PEX5: variants seen among roughly 807,000 people sequenced by gnomAD.
The protein encoded by PEX5 is peroxisomal biogenesis factor 5.
A neutral mutation model predicts 82.9 loss-of-function variants in PEX5; 52 were observed. That is an observed-to-expected ratio of 0.63 (90% CI 0.50 to 0.79). The LOEUF is 0.79. Ranked by LOEUF, PEX5 falls within the 30% of genes least tolerant of loss-of-function variation. The pLI, the probability that PEX5 is intolerant of heterozygous loss-of-function variation, is 0.00. For missense variants in PEX5, 719 were observed against 815.2 expected, an observed-to-expected ratio of 0.88 and a Z score of 1.44; for synonymous variants, 300 against 318.8, an observed-to-expected ratio of 0.94 and a Z score of 0.63.
chr12:7,209,549 G>T, intron 14 of PEX5, 134 bp from the exon 15 acceptor site: 1 of 447,352 alleles, frequency 2.2e-6, no homozygotes, highest in Non-Finnish European at 3.9e-6. Context: ...GAATGGAATG[G>T]GACGAAACAT....
chr12:7,208,534 G>A lies in PEX5; in HGVS notation c.1259G>A (p.Arg420Gln), dbSNP rs765532002. The change falls in exon 13 of 16, where the codon CGA becomes CAA. Residue 420 changes from arginine to glutamine, a missense_variant. By Grantham distance (43) the Arg-to-Gln change is conservative (BLOSUM62 1). Coordinates refer to ENST00000675855, the MANE Select transcript of PEX5 (RefSeq NM_001351132.2). ...AVSFTNESLQ[R>Q]QACETLRDWL... ...AGCTTCACCAACGAGTCCCTGCAGC[G>A]ACAGGCCTGTGAAACCCTACGAGAC... The A allele has an allele frequency of 2.2e-5, 36 of 1,614,004 alleles. No individual in the cohort carries two copies. Among genetic ancestry groups the A allele is most frequent in the South Asian group, 1.8e-4 (16 of 91,074 alleles).
intron 1 of PEX5, 125 bp from the exon 2 acceptor site, chr12:7,190,237 A>C: frequency 6.3e-7 from 1 of 1,590,190 alleles, no homozygotes; most frequent in Non-Finnish European, 8.5e-7. Flanking sequence ...CAGCAAAAGC[A>C]CTGGGGTGGA....
chr12:7,199,158 A>G (rs1346394698), intron 6 of PEX5, 45 bp downstream of exon 6: 1 of 1,066,290 alleles, frequency 9.4e-7, no homozygotes, highest in Non-Finnish European at 1.4e-6. Context: ...AGGAGTATGG[A>G]CAGTTTTCCC....
At chr12:7,206,889 A>AT (rs1261917671) in intron 10 of PEX5, among the ~76,000 whole-genome samples, 1 of 152,150 alleles carries the variant, frequency 6.6e-6, no homozygotes, top group Non-Finnish European at 1.5e-5. Context: ...CATGTCCCAG[A>AT]TTTTGCAGCT....
rs745564890 is a variant in PEX5, at chr12:7,191,549, T to TTC, written c.317-8_317-7dup. 1.2e-6 allele frequency: 2 copies of TTC among 1,612,788 alleles called. No homozygotes were observed. The highest frequency in any genetic ancestry group is 1.7e-6 in the Non-Finnish European group (2 of 1,179,146). ...GGTATGTATGTATTCTTTCTTAGTTTTCTCTCTCTCTCTTTTAAGCCCCTG... is the reference window on the plus strand; with the variant it reads ...GGTATGTATGTATTCTTTCTTAGTTTTCTCTCTCTCTCTCTTTTAAGCCCCTG... On this transcript the variant is annotated intron_variant, in intron 4 of 15. Transcript: ENST00000675855.
chr12:7,201,538 A>G (rs1944041304), intron 6 of PEX5, among the ~76,000 whole-genome samples: 1 of 152,146 alleles, frequency 6.6e-6, no homozygotes, highest in Non-Finnish European at 1.5e-5. Context: ...ATGCAAAGAT[A>G]TGTTTGGGAA....
rs398123571 is a variant in PEX5, at chr12:7,190,411, G to A, written c.34G>A (p.Gly12Arg). Residue 12 changes from glycine (G) to arginine (R), a missense_variant, in exon 2 of 16, where the codon GGG (glycine) becomes AGG (arginine). Coordinates refer to ENST00000675855, the MANE Select transcript of PEX5 (RefSeq NM_001351132.2). ...GCGGGAGCTGGTGGAGGCCGAATGC[G>A]GGGGTGCCAACCCGCTCATGAAGCT... is the stretch of plus-strand genomic sequence containing the variant. ...AMRELVEAECGGANPLMKLAG... is the reference protein window; with the variant it reads ...AMRELVEAECRGANPLMKLAG... 2.5e-6 allele frequency: 4 copies of A among 1,614,092 alleles called. No individual in the cohort carries two copies. The highest frequency in any genetic ancestry group is 1.3e-5 in the African/African-American group (1 of 74,936).
intron 5 of PEX5, among the ~76,000 whole-genome samples, chr12:7,196,346 T>C (rs1478210525): frequency 2.2e-5 from 3 of 136,428 alleles, no homozygotes; most frequent in South Asian, 2.3e-4. Flanking sequence ...ATATGTCATA[T>C]ATAATTTAAT....
Position 7,210,675 on chromosome 12 carries a change from G to C in PEX5, c.*452G>C, listed in dbSNP as rs185474091. 399 of 285,126 alleles carry C rather than the reference G, an allele frequency of 1.4e-3. 1 individual carries two copies. The highest frequency in any genetic ancestry group is 2.2e-3 in the Non-Finnish European group (320 of 146,060). The allele number at this position is 285,126 out of a possible 1,614,324, so 17.7% of individuals were successfully genotyped here. On this transcript the variant is annotated 3_prime_UTR_variant, in exon 16 of 16. Transcript: ENST00000675855. ...CATCTGCTGTGCGCCTCTAATGTCT[G>C]TCTGGATGGGATGTGTTAGGAGTTG...
At position 7,209,005 on chromosome 12, in the gene PEX5, C is replaced by T. The variant is rs772561166; in HGVS notation, c.1395C>T (p.Asp465=). The change falls in exon 14 of 16, where the codon GAC becomes GAT. Residue 465 remains aspartate, a splice_region_variant and synonymous_variant. Transcript: ENST00000675855. ...SKRILGSLLS[D]SLFLEVKELF... is the part of the protein sequence containing the mutation. ...TTGTGTTTTTTTCCTTTTCATCCAG[C>T]TCCCTGTTTCTTGAAGTGAAAGAGC... is the stretch of plus-strand genomic sequence containing the variant. 10 of 1,613,968 alleles carry T rather than the reference C, an allele frequency of 6.2e-6. No individual in the cohort carries two copies. The highest frequency in any genetic ancestry group is 3.4e-6 in the Non-Finnish European group (4 of 1,179,894).
rs1159781502 is a variant in PEX5 at position 7,201,760 on chromosome 12, A to G, written c.561A>G (p.Glu187=). 1.9e-6 allele frequency: 3 copies of G among 1,612,964 alleles called. No homozygotes were observed. Among genetic ancestry groups the G allele is most frequent in the Admixed American group, 3.3e-5 (2 of 60,026 alleles). Residue 187 remains glutamate, a synonymous_variant, in exon 7 of 16, where the codon GAA becomes GAG. Transcript: ENST00000675855. ...TTCTTACCCGTTCCAGGTATGATGAATATCATCCTGAGGAGGATCTGCAGC... is the reference window on the plus strand; with the variant it reads ...TTCTTACCCGTTCCAGGTATGATGAGTATCATCCTGAGGAGGATCTGCAGC... ...EGTATDRWYD[E]YHPEEDLQHT...
At chr12:7,203,184 C>CGA (rs1565707446) in intron 9 of PEX5, among the ~76,000 whole-genome samples, 1 of 67,912 alleles carries the variant, frequency 1.5e-5, no homozygotes, top group African/African-American at 6.0e-5. Flanking sequence ...CTAAACTATG[C>CGA]ACTGCACTGC....
Position 7,202,218 on chromosome 12 carries a change from CTGTG to C in PEX5, c.643-17_643-14del, listed in dbSNP as rs767919243. ...ACCTGGAAGTCCTTTCCCAAGTGGCCTGTGTGTGTCTCTGTGCCCCAGTTCCTGA... is the reference window on the plus strand; with the variant it reads ...ACCTGGAAGTCCTTTCCCAAGTGGCCTGTGTCTCTGTGCCCCAGTTCCTGA... On this transcript the variant is annotated intron_variant, in intron 7 of 15. Coordinates refer to ENST00000675855, the MANE Select transcript of PEX5 (RefSeq NM_001351132.2). 7 of 1,613,884 alleles carry C rather than the reference CTGTG, an allele frequency of 4.3e-6. No homozygotes were observed. In the South Asian group the frequency reaches 6.6e-5, roughly 15 times the overall value.
At chr12:7,202,056 G>C (rs191974137) in intron 7 of PEX5, 185 bp from the exon 8 acceptor site, 1 of 921,980 alleles carries the variant, frequency 1.1e-6, no homozygotes, top group East Asian at 2.6e-5. Context: ...TGATGCCTTT[G>C]CAAGTCTTTA....
intron 1 of PEX5, 53 bp downstream of exon 1, chr12:7,189,803 C>A: frequency 1.3e-6 from 1 of 774,622 alleles, no homozygotes; most frequent in Non-Finnish European, 1.8e-6. Flanking sequence ...GCCCTCCCCA[C>A]CCTTGCGGTG....
In PEX5 at chr12:7,190,271, C is replaced by T. The variant is rs1591639783; in HGVS notation, c.-16-91C>T. ...GAGGGCGGCCAGTGTGGGGCAGACG[C>T]CTGTGTGCCTTCCTCAGATACGGGC... is the stretch of plus-strand genomic sequence containing the variant. On this transcript the variant is annotated intron_variant, in intron 1 of 15. Coordinates refer to ENST00000675855, the MANE Select transcript of PEX5 (RefSeq NM_001351132.2). 6 of 1,588,982 alleles carry T rather than the reference C, an allele frequency of 3.8e-6. No homozygotes were observed. The East Asian group carries it at 8.9e-5, about 24-fold the overall frequency.
chr12:7,209,414 G>T (rs1401717666), intron 14 of PEX5, among the ~76,000 whole-genome samples: 1 of 152,148 alleles, frequency 6.6e-6, no homozygotes, highest in East Asian at 1.9e-4. Context: ...TCATTCCAGT[G>T]TTCCATGTAC....
intron 6 of PEX5, among the ~76,000 whole-genome samples, chr12:7,201,176 T>C (rs79758969): frequency 8.1e-5 from 4 of 49,336 alleles, no homozygotes; most frequent in South Asian, 7.2e-4. Flanking sequence ...CACATACACA[T>C]ATGTACACAC....
intron 5 of PEX5, among the ~76,000 whole-genome samples, chr12:7,194,870 C>G (rs746866457): frequency 3.3e-5 from 5 of 152,166 alleles, no homozygotes; most frequent in African/African-American, 1.2e-4. Context: ...GTGATGTTTT[C>G]TGCTTTTGTT....
Sources: allele counts gnomAD v4.1 joint callset (sites outside exome capture counted in the v4.1 genomes callset), GRCh38; gene constraint gnomAD v4.1.1; transcripts MANE v1.5; gene names NCBI Gene and HGNC (gene_info 2026-07-23, HGNC 2026-07-21).